The following FGGY variants were observed in gnomAD, a reference collection of about 807,000 sequenced individuals.
FGGY encodes the protein FGGY carbohydrate kinase domain-containing protein.
FGGY carries 72 observed loss-of-function variants against 71.3 expected under a neutral mutation model. The ratio of observed to expected loss-of-function variants is 1.01; its 90% confidence interval spans 0.84 to 1.23. The LOEUF is 1.23. Among genes scored for constraint, FGGY ranks in the 50% most tolerant of loss-of-function variants. FGGY has a pLI of 0.00. For synonymous variants in FGGY, 251 were observed against 250.3 expected (o/e 1.00, Z -0.02); for missense variants, 668 against 682.3 (o/e 0.98, Z 0.23).
At chr1:59,364,941 GAA>G (rs2056319508) in intron 4 of FGGY, among the ~76,000 whole-genome samples, 1 of 152,206 alleles carries the variant, frequency 6.6e-6, no homozygotes, top group African/African-American at 2.4e-5. Context: ...AGAAGAGGTA[GAA>G]GATGACTCCT....
chr1:59,664,507 G>A (rs955073904), intron 12 of FGGY, among the ~76,000 whole-genome samples: 5 of 152,164 alleles, frequency 3.3e-5, no homozygotes, highest in Admixed American at 6.5e-5. Context: ...CCTGCTAATC[G>A]CAAGCCCCTA....
chr1:59,655,880 C>A (rs2097213654), intron 11 of FGGY, among the ~76,000 whole-genome samples: 1 of 152,136 alleles, frequency 6.6e-6, no homozygotes, highest in South Asian at 2.1e-4. Flanking sequence ...TAGTGTCATG[C>A]AGCTAAATTA....
At chr1:59,562,398 T>G (rs1239269920) in intron 8 of FGGY, among the ~76,000 whole-genome samples, 4 of 152,232 alleles carry the variant, frequency 2.6e-5, no homozygotes, top group African/African-American at 9.6e-5. Flanking sequence ...CAACTTGCAG[T>G]CTTTTGTGGA....
At chr1:59,574,896 G>C (rs1007269127) in intron 8 of FGGY, among the ~76,000 whole-genome samples, 2 of 152,088 alleles carry the variant, frequency 1.3e-5, no homozygotes, top group Non-Finnish European at 2.9e-5. Flanking sequence ...ACTAAAATCA[G>C]TGCTAGTTAT....
At chr1:59,753,700 G>A (rs2098266925) in intron 14 of FGGY, among the ~76,000 whole-genome samples, 1 of 150,898 alleles carries the variant, frequency 6.6e-6, no homozygotes, top group Non-Finnish European at 1.5e-5. Context: ...TGCATATCTT[G>A]TTTTTAACTT....
chr1:59,354,284 G>T (rs2053865241), intron 4 of FGGY, among the ~76,000 whole-genome samples: 1 of 152,086 alleles, frequency 6.6e-6, no homozygotes, highest in Non-Finnish European at 1.5e-5. Context: ...TTACCATGTT[G>T]CCCAGGCTGG....
chr1:59,508,001 C>T (rs2094436279), intron 6 of FGGY, among the ~76,000 whole-genome samples: 1 of 152,166 alleles, frequency 6.6e-6, no homozygotes, highest in Non-Finnish European at 1.5e-5. Flanking sequence ...ATGCCTCAAA[C>T]ACACCATGCC....
chr1:59,746,398 G>A (rs2098198150), intron 14 of FGGY, among the ~76,000 whole-genome samples: 1 of 152,138 alleles, frequency 6.6e-6, no homozygotes, highest in South Asian at 2.1e-4. Context: ...GGAAAATAAA[G>A]TTTATTTCAG....
Position 59,546,520 on chromosome 1 carries a change from G to T in FGGY, c.800-7604G>T, listed in dbSNP as rs551430437. On this transcript the variant is annotated intron_variant, in intron 7 of 15. Coordinates refer to ENST00000303721, the MANE Select transcript of FGGY (RefSeq NM_018291.5). ...TGATGATGATGATGATGATGATGAT[G>T]ATGATGATGATGATGATTATTATTA... 8.4e-3 allele frequency among the ~76,000 whole-genome samples: 693 copies of T among 82,964 alleles called. 7 individuals carry two copies. The highest frequency in any genetic ancestry group is 0.013 in the South Asian group (32 of 2,540). The allele number at this position is 82,964 out of a possible 152,430, so 54.4% of individuals were successfully genotyped here.
At chr1:59,523,793 T>C (rs952790947) in intron 7 of FGGY, among the ~76,000 whole-genome samples, 9 of 152,230 alleles carry the variant, frequency 5.9e-5, no homozygotes, top group African/African-American at 2.2e-4. Flanking sequence ...GTAAGATAGT[T>C]AAAAACACAC....
At chr1:59,602,644 G>C (rs1469676780) in intron 8 of FGGY, among the ~76,000 whole-genome samples, 1 of 152,142 alleles carries the variant, frequency 6.6e-6, no homozygotes, top group South Asian at 2.1e-4. Context: ...ATGACTCTGA[G>C]CCTTGTCTAC....
At chr1:59,299,659 C>A (rs1188260935) in intron 1 of FGGY, among the ~76,000 whole-genome samples, 5 of 131,798 alleles carry the variant, frequency 3.8e-5, no homozygotes, top group Non-Finnish European at 7.6e-5. Context: ...GGTGCGCCCT[C>A]ACAGATGGAG....
intron 11 of FGGY, among the ~76,000 whole-genome samples, chr1:59,647,741 C>CT (rs578262218): frequency 0.037 from 4,148 of 111,560 alleles, 223 homozygotes; most frequent in African/African-American, 0.12. Flanking sequence ...CTGCCACCAT[C>CT]TTTTTTTTTT....
chr1:59,754,322 C>T (rs1351167698), intron 14 of FGGY, among the ~76,000 whole-genome samples: 1 of 152,206 alleles, frequency 6.6e-6, no homozygotes, highest in Non-Finnish European at 1.5e-5. Flanking sequence ...TTGGTTAACA[C>T]CTGTCTATTC....
chr1:59,354,101 A>ACG (rs34666976), intron 4 of FGGY, among the ~76,000 whole-genome samples: 17 of 51,506 alleles, frequency 3.3e-4, no homozygotes, highest in African/African-American at 2.3e-3. Flanking sequence ...TTTTTTTGAG[A>ACG]GGGTCTTGCT....
At chr1:59,585,671 G>A (rs1359141296) in intron 8 of FGGY, among the ~76,000 whole-genome samples, 1 of 152,130 alleles carries the variant, frequency 6.6e-6, no homozygotes, top group East Asian at 1.9e-4. Context: ...TTGACAAATG[G>A]GATCTCATTA....
chr1:59,361,635 CA>C (rs2055541238), intron 4 of FGGY, among the ~76,000 whole-genome samples: 1 of 152,262 alleles, frequency 6.6e-6, no homozygotes, highest in East Asian at 1.9e-4. Context: ...GGATTCTTTG[CA>C]GGGGTGAAGG....
intron 5 of FGGY, among the ~76,000 whole-genome samples, chr1:59,413,899 T>C (rs2063963934): frequency 6.6e-6 from 1 of 152,146 alleles, no homozygotes; most frequent in East Asian, 1.9e-4. Flanking sequence ...ATGTGGAAGT[T>C]GTAGCAAGCC....
intron 5 of FGGY, among the ~76,000 whole-genome samples, chr1:59,406,352 C>T (rs1006237033): frequency 3.9e-5 from 6 of 151,910 alleles, no homozygotes; most frequent in South Asian, 2.1e-4. Flanking sequence ...GAAGTCTACT[C>T]GTGCCATGTT....
Sources: allele counts gnomAD v4.1 joint callset (sites outside exome capture counted in the v4.1 genomes callset), GRCh38; gene constraint gnomAD v4.1.1; transcripts MANE v1.5; gene names NCBI Gene and HGNC (gene_info 2026-07-23, HGNC 2026-07-21).